ZNF440: variants seen among roughly 807,000 people sequenced by gnomAD.
ZNF440 encodes zinc finger protein 440.
In ZNF440, 47 loss-of-function variants were observed where a neutral mutation model predicts 49.7. That is an observed-to-expected ratio of 0.95 (90% CI 0.75 to 1.21). The LOEUF is 1.21. Among genes scored for constraint, ZNF440 ranks in the 50% most tolerant of loss-of-function variants. The pLI is 0.00. For missense variants in ZNF440, 703 were observed against 715.0 expected (o/e 0.98, Z 0.19); for synonymous variants, 255 against 237.7 (o/e 1.07, Z -0.67).
At chr19:11,823,729 G>A (rs1005670139) in intron 1 of ZNF440, among the ~76,000 whole-genome samples, 5 of 152,096 alleles carry the variant, frequency 3.3e-5, no homozygotes, top group African/African-American at 4.8e-5. Flanking sequence ...TTGGGAGGCC[G>A]AGGTGGGTGG....
chr19:11,823,861 C>G (rs1975828317), intron 1 of ZNF440, among the ~76,000 whole-genome samples: 1 of 152,016 alleles, frequency 6.6e-6, no homozygotes, highest in Non-Finnish European at 1.5e-5. Context: ...ATTCGGGAGG[C>G]TGAAGCAGGA....
intron 1 of ZNF440, among the ~76,000 whole-genome samples, chr19:11,815,326 A>ACACACACACACACACACAC (rs1568237555): frequency 8.0e-5 from 12 of 150,346 alleles, no homozygotes; most frequent in Admixed American, 1.3e-4. Flanking sequence ...ACACACACAC[A>ACACACACACACACACACAC]AATTAAATAG....
In ZNF440 at chr19:11,831,803, C is replaced by T. The variant is rs2145132220; in HGVS notation, c.627C>T (p.Phe209=). The part of the protein sequence containing the change: ...PYKCKFCGKA[F]HCLRLYLIHE... The stretch of plus-strand genomic sequence containing the variant: ...AATGTAAGTTTTGTGGGAAAGCATT[C>T]CATTGTCTCAGATTATATCTTATCC... The change falls in exon 4 of 4, where the codon TTC becomes TTT. Residue 209 remains phenylalanine, a synonymous_variant. Transcript: ENST00000304060. 6.2e-7 allele frequency: 1 copy of T among 1,609,218 alleles called. No individual in the cohort carries two copies. The highest frequency in any genetic ancestry group is 2.2e-5 in the East Asian group (1 of 44,734).
At position 11,831,884 on chromosome 19, in the gene ZNF440, C is replaced by T; in HGVS notation, c.708C>T (p.Ser236=). The change falls in exon 4 of 4, where the codon TCC becomes TCT. Residue 236 remains serine, a synonymous_variant. Transcript: ENST00000304060. ...GTGAATGTAAACAGTGTGGTAAATC[C>T]TTTAGTTATTCTGCTACCCATCGAA... ...KPCECKQCGK[S]FSYSATHRIH... is the part of the protein sequence containing the mutation. 1 of 1,613,924 alleles carries T rather than the reference C, an allele frequency of 6.2e-7. No homozygotes were observed. Among genetic ancestry groups the T allele is most frequent in the Non-Finnish European group, 8.5e-7 (1 of 1,179,946 alleles).
intron 1 of ZNF440, among the ~76,000 whole-genome samples, chr19:11,814,905 C>T (rs190048331): frequency 2.5e-4 from 38 of 151,944 alleles, no homozygotes; most frequent in Admixed American, 2.4e-3. Context: ...CAGTTTCTAG[C>T]ACTTCTGTGT....
At position 11,832,644 on chromosome 19, in the gene ZNF440, C is replaced by T; in HGVS notation, c.1468C>T (p.Gln490Ter). ...TGGAGAGAAACTCTATGAATGCAAG[C>T]AACGTTCAGTAGTTCCTTCAGTAGT... Reference protein sequence around the residue: ...HTGEKLYECKQRSVVPSVVPV... With the variant: ...HTGEKLYECK Residue 490 changes from glutamine (Q) to a stop codon, truncating the protein, a stop_gained, in exon 4 of 4, where the codon CAA (glutamine) becomes TAA (stop). Coordinates refer to ENST00000304060, the MANE Select transcript of ZNF440 (RefSeq NM_152357.3). LOFTEE classifies it high-confidence loss of function. 6.2e-7 allele frequency: 1 copy of T among 1,613,058 alleles called. No individual in the cohort carries two copies. The highest frequency in any genetic ancestry group is 1.1e-5 in the South Asian group (1 of 91,018).
chr19:11,824,928 C>T (rs1402652566), intron 1 of ZNF440, among the ~76,000 whole-genome samples: 2 of 151,904 alleles, frequency 1.3e-5, no homozygotes, highest in Non-Finnish European at 2.9e-5. Flanking sequence ...AGGCTGGTCT[C>T]AAACTCCTGA....
intron 1 of ZNF440, among the ~76,000 whole-genome samples, chr19:11,829,455 A>G (rs413333): frequency 0.39 from 58,976 of 151,160 alleles, 12,053 homozygotes; most frequent in African/African-American, 0.5. Context: ...TTACACTTTG[A>G]GAACAGGCAT....
At position 11,832,688 on chromosome 19, in the gene ZNF440, C is replaced by A; in HGVS notation, c.1512C>A (p.Ile504=). Residue 504 remains isoleucine (I), a synonymous_variant, in exon 4 of 4, where the codon ATC becomes ATA. Coordinates refer to ENST00000304060, the MANE Select transcript of ZNF440 (RefSeq NM_152357.3). ...CAGTAGTTCCAGTTCCTTTTGATAT[C>A]ATGAAAGGACTCACACTGGAGAGAA... The part of the protein sequence containing the change: ...VPSVVPVPFD[I]MKGLTLERSP... 10 of 1,613,954 alleles carry A rather than the reference C, an allele frequency of 6.2e-6. No homozygotes were observed. Among genetic ancestry groups the A allele is most frequent in the Non-Finnish European group, 7.6e-6 (9 of 1,179,978 alleles).
In ZNF440 at chr19:11,814,385, CTG is replaced by C; in HGVS notation, c.-60_-59del. 1 of 1,538,054 alleles carries C rather than the reference CTG, an allele frequency of 6.5e-7. No individual in the cohort carries two copies. The highest frequency in any genetic ancestry group is 8.7e-7 in the Non-Finnish European group (1 of 1,144,296). On this transcript the variant is annotated 5_prime_UTR_variant, in exon 1 of 4. Coordinates refer to ENST00000304060, the MANE Select transcript of ZNF440 (RefSeq NM_152357.3). ...AGCTTCTGTCGCTCTGTAACCTGCA[CTG>C]TGACCTACACTAGTCGCGGGAGCCA...
At position 11,830,407 on chromosome 19, in the gene ZNF440, T is replaced by C; in HGVS notation, c.128T>C (p.Leu43Ser). The part of the protein sequence containing the change: ...MLETFRNLTS[L>S]GKRWKDQNIE... ...GAAACTTTCAGGAACCTGACCTCTT[T>C]AGGTAAGGATGACAATATTCCTTCC... Residue 43 changes from leucine to serine, a missense_variant and splice_region_variant, in exon 2 of 4, where the codon TTA (leucine) becomes TCA (serine). Coordinates refer to ENST00000304060, the MANE Select transcript of ZNF440 (RefSeq NM_152357.3). 6.2e-7 allele frequency: 1 copy of C among 1,614,066 alleles called. No individual in the cohort carries two copies. The highest frequency in any genetic ancestry group is 1.1e-5 in the South Asian group (1 of 91,088).
At chr19:11,818,094 AC>A (rs1314110077) in intron 1 of ZNF440, among the ~76,000 whole-genome samples, 1 of 152,124 alleles carries the variant, frequency 6.6e-6, no homozygotes, top group Non-Finnish European at 1.5e-5. Flanking sequence ...GATCCCAGCT[AC>A]TCGGGAGGCT....
In ZNF440 at chr19:11,832,542, A is replaced by C. The variant is rs1455892936; in HGVS notation, c.1366A>C (p.Arg456=). Residue 456 remains arginine (R), a synonymous_variant, in exon 4 of 4, where the codon AGA becomes CGA. Coordinates refer to ENST00000304060, the MANE Select transcript of ZNF440 (RefSeq NM_152357.3). The part of the protein sequence containing the change: ...QTHIRIHSGE[R]RYKCKICGKG... Reference sequence around the variant, plus strand: ...ACACATAAGAATACACTCTGGAGAAAGACGTTATAAATGTAAGATATGTGG... The same window carrying C: ...ACACATAAGAATACACTCTGGAGAACGACGTTATAAATGTAAGATATGTGG... The C allele has an allele frequency of 1.2e-6, 2 of 1,614,010 alleles. No homozygotes were observed. The highest frequency in any genetic ancestry group is 2.2e-5 in the East Asian group (1 of 44,850).
intron 1 of ZNF440, among the ~76,000 whole-genome samples, chr19:11,827,406 T>TAGG (rs1473609607): frequency 6.6e-6 from 1 of 152,218 alleles, no homozygotes; most frequent in African/African-American, 2.4e-5. Flanking sequence ...TATAGAATTT[T>TAGG]AGGAGTTCTT....
intron 1 of ZNF440, chr19:11,830,082 C>T (rs1374067110): frequency 1.0e-5 from 11 of 1,089,930 alleles, no homozygotes; most frequent in African/African-American, 3.2e-5. Context: ...TGCACTGCAG[C>T]CTGGGCAACA....
At chr19:11,825,817 CTT>C (rs74180041) in intron 1 of ZNF440, among the ~76,000 whole-genome samples, 3,290 of 131,088 alleles carry the variant, frequency 0.025, 49 homozygotes, top group East Asian at 0.074. Context: ...CTTTTCTTTT[CTT>C]TTTTTTTTTT....
Position 11,814,402 on chromosome 19 carries a change from C to T in ZNF440, c.-46C>T. 1 of 1,557,348 alleles carries T rather than the reference C, an allele frequency of 6.4e-7. No individual in the cohort carries two copies. The highest frequency in any genetic ancestry group is 8.7e-7 in the Non-Finnish European group (1 of 1,153,364). ...AACCTGCACTGTGACCTACACTAGT[C>T]GCGGGAGCCACGCAGAGGACGCCGG... On this transcript the variant is annotated 5_prime_UTR_variant, in exon 1 of 4. Transcript: ENST00000304060.
chr19:11,814,537 G>A (rs969614049), intron 1 of ZNF440, 87 bp downstream of exon 1: 8 of 1,352,738 alleles, frequency 5.9e-6, no homozygotes, highest in African/African-American at 4.6e-5. Flanking sequence ...GGGCCTCCAC[G>A]CGGCGACTCC....
chr19:11,820,868 C>T (rs1975791149), intron 1 of ZNF440, among the ~76,000 whole-genome samples: 1 of 151,998 alleles, frequency 6.6e-6, no homozygotes, highest in African/African-American at 2.4e-5. Flanking sequence ...CAGAGAACTC[C>T]CAAAAGACAA....
Sources: allele counts gnomAD v4.1 joint callset (sites outside exome capture counted in the v4.1 genomes callset), GRCh38; gene constraint gnomAD v4.1.1; transcripts MANE v1.5; gene names NCBI Gene and HGNC (gene_info 2026-07-23, HGNC 2026-07-21).